The following SYNPR variants were observed in gnomAD, a reference collection of about 807,000 sequenced individuals.
SYNPR encodes the protein synaptoporin.
SYNPR carries 23 observed loss-of-function variants against 32.9 expected under a neutral mutation model. The observed-to-expected ratio is 0.70, with a 90% CI of 0.50 to 0.99. SYNPR has a LOEUF of 0.99. Ranked by LOEUF, SYNPR falls within the 50% of genes least tolerant of loss-of-function variation. The probability of loss-of-function intolerance (pLI) is 0.00; values close to 1 mark genes in which losing one functional copy is unlikely to be tolerated. For missense variants in SYNPR, 318 were observed against 349.3 expected (o/e 0.91, Z 0.71); for synonymous variants, 146 against 135.9 (o/e 1.07, Z -0.52).
intron 2 of SYNPR, chr3:63,351,740 C>CT (rs2087512555): frequency 6.6e-6 from 1 of 152,082 alleles, no homozygotes; most frequent in Non-Finnish European, 1.5e-5. Context: ...TGCTAAGAAC[C>CT]TGCCTGCTAT....
At chr3:63,273,412 A>T (rs928413564), upstream of SYNPR, among the ~76,000 whole-genome samples, 2 of 152,116 alleles carry the variant, frequency 1.3e-5, no homozygotes, top group Middle Eastern at 3.2e-3. Context: ...GAAATTAAAG[A>T]ATTTATGCCT....
chr3:63,318,209 G>C (rs2087064722), intron 2 of SYNPR, among the ~76,000 whole-genome samples: 1 of 151,944 alleles, frequency 6.6e-6, no homozygotes, highest in African/African-American at 2.4e-5. Flanking sequence ...TCTTGACTTT[G>C]GATAACCTGA....
chr3:63,239,356 G>C, intron 1 of SYNPR, among the ~76,000 whole-genome samples: 1 of 150,902 alleles, frequency 6.6e-6, no homozygotes, highest in South Asian at 2.1e-4. Context: ...TCCTACCATT[G>C]TCACCCATCC....
intron 2 of SYNPR, among the ~76,000 whole-genome samples, chr3:63,447,615 T>C (rs1300025909): frequency 6.6e-6 from 1 of 150,708 alleles, no homozygotes; most frequent in Non-Finnish European, 1.5e-5. Flanking sequence ...GCACTAAATC[T>C]TCTAGAAGAG....
chr3:63,299,996 G>C (rs1275811073), intron 2 of SYNPR, among the ~76,000 whole-genome samples: 2 of 152,078 alleles, frequency 1.3e-5, no homozygotes, highest in African/African-American at 4.8e-5. Flanking sequence ...TTAATCATTA[G>C]AGGTACTTAG....
intron 4 of SYNPR, among the ~76,000 whole-genome samples, chr3:63,586,911 A>T (rs1703194709): frequency 6.6e-6 from 1 of 151,980 alleles, no homozygotes; most frequent in African/African-American, 2.4e-5. Flanking sequence ...CTGTCACACA[A>T]GTTCTTTTCC....
chr3:63,387,840 T>C (rs948047672), intron 2 of SYNPR, among the ~76,000 whole-genome samples: 3 of 152,176 alleles, frequency 2.0e-5, no homozygotes, highest in Non-Finnish European at 4.4e-5. Flanking sequence ...ACAAAGCTAC[T>C]GAGACCGACT....
intron 2 of SYNPR, among the ~76,000 whole-genome samples, chr3:63,289,862 G>A (rs1384884982): frequency 6.6e-6 from 1 of 152,134 alleles, no homozygotes; most frequent in African/African-American, 2.4e-5. Flanking sequence ...CGGGCGCGGT[G>A]TCTCACGCCT....
chr3:63,278,014 TG>T (rs1345740693), upstream of SYNPR: 1 of 152,988 alleles, frequency 6.5e-6, no homozygotes, highest in Non-Finnish European at 1.5e-5. Context: ...CTCACACAGA[TG>T]TCTCAGGTAA....
chr3:63,380,353 T>C (rs1195586917), intron 2 of SYNPR, among the ~76,000 whole-genome samples: 1 of 152,162 alleles, frequency 6.6e-6, no homozygotes, highest in Non-Finnish European at 1.5e-5. Context: ...GCACCTGTTG[T>C]TTCCTGACTT....
intron 2 of SYNPR, among the ~76,000 whole-genome samples, chr3:63,394,226 A>G (rs2088180776): frequency 6.6e-6 from 1 of 152,180 alleles, no homozygotes; most frequent in Non-Finnish European, 1.5e-5. Flanking sequence ...GACCTTGAAC[A>G]AGTCTCTTAA....
chr3:63,318,954 C>T lies in SYNPR; in HGVS notation c.84+40212C>T, dbSNP rs180799809. ...ATTCTTTTGTCCTACAGGGTGTTCC[C>T]TTGACGTAGTACTCTCCCCCTTTCC... On this transcript the variant is annotated intron_variant, in intron 2 of 5. Transcript: ENST00000478300. Among the ~76,000 whole-genome samples the T allele has an allele frequency of 2.6e-5, 4 of 152,028 alleles. No homozygotes were observed. In the East Asian group the frequency reaches 7.8e-4, roughly 30 times the overall value.
At chr3:63,280,530 T>C (rs1035834017) in intron 2 of SYNPR, among the ~76,000 whole-genome samples, 1 of 150,060 alleles carries the variant, frequency 6.7e-6, no homozygotes, top group African/African-American at 2.4e-5. Flanking sequence ...AAAAAAAAAA[T>C]GTTTGTTTTT....
chr3:63,588,587 C>T (rs925925018), intron 4 of SYNPR, among the ~76,000 whole-genome samples: 1 of 151,984 alleles, frequency 6.6e-6, no homozygotes, highest in Non-Finnish European at 1.5e-5. Flanking sequence ...AATAAGCATC[C>T]CCAAATTTCC....
At chr3:63,220,155 G>A in the SYNPR span, among the ~76,000 whole-genome samples, 44 of 152,324 alleles carry the variant, frequency 2.9e-4, no homozygotes, top group Middle Eastern at 6.8e-3. Flanking sequence ...GTGGAGGTGA[G>A]CAAGGTGAAA....
At chr3:63,336,678 T>C (rs1335841658) in intron 2 of SYNPR, among the ~76,000 whole-genome samples, 1 of 151,680 alleles carries the variant, frequency 6.6e-6, no homozygotes, top group African/African-American at 2.4e-5. Context: ...AAAATCTAAG[T>C]GATCTTGGAT....
chr3:63,472,622 G>C (rs1165196234), intron 2 of SYNPR, among the ~76,000 whole-genome samples: 2 of 151,966 alleles, frequency 1.3e-5, no homozygotes, highest in African/African-American at 4.8e-5. Flanking sequence ...CAATGTTTTG[G>C]CCCAAATGGG....
intron 4 of SYNPR, among the ~76,000 whole-genome samples, chr3:63,591,446 C>T (rs1201308287): frequency 4.1e-5 from 5 of 120,678 alleles, no homozygotes; most frequent in Admixed American, 1.6e-4. Flanking sequence ...CCCAGCCATC[C>T]CATTACTGGG....
chr3:63,439,289 A>T (rs986898953), intron 2 of SYNPR, among the ~76,000 whole-genome samples: 1 of 152,214 alleles, frequency 6.6e-6, no homozygotes, highest in Non-Finnish European at 1.5e-5. Context: ...TAAATACTTG[A>T]CTTAGAAAAC....
Sources: allele counts gnomAD v4.1 joint callset (sites outside exome capture counted in the v4.1 genomes callset), GRCh38; gene constraint gnomAD v4.1.1; transcripts MANE v1.5; gene names NCBI Gene and HGNC (gene_info 2026-07-23, HGNC 2026-07-21).